FAM120C: variants seen among roughly 807,000 people sequenced by gnomAD.
FAM120C encodes family with sequence similarity 120 member C.
FAM120C carries 14 observed loss-of-function variants against 71.2 expected under a neutral mutation model. That is an observed-to-expected ratio of 0.20 (90% confidence interval 0.13 to 0.31). The LOEUF (loss-of-function observed/expected upper bound fraction) is 0.31. Among genes scored for constraint, FAM120C ranks in the 10% least tolerant of loss-of-function variants. The pLI is 1.00. For missense variants in FAM120C, 500 were observed against 879.0 expected, an observed-to-expected ratio of 0.57 and a Z score of 5.45; for synonymous variants, 354 against 353.2, an observed-to-expected ratio of 1.00 and a Z score of -0.03.
rs995528094 is a variant in FAM120C, at chrX:54,110,921, G to A, written c.2312+5624C>T. ...CTAAAAATACAAAAATTGGCCAGGC[G>A]TGGTGGTGGGCCCCTGTAATCCCAG... is the stretch of plus-strand genomic sequence containing the variant. On this transcript the variant is annotated intron_variant, in intron 10 of 15. Coordinates refer to ENST00000375180, the MANE Select transcript of FAM120C (RefSeq NM_017848.6). Among the ~76,000 whole-genome samples, 5 of 109,803 alleles carry A rather than the reference G, an allele frequency of 4.6e-5. No individual in the cohort carries two copies. The South Asian group carries it at 1.6e-3, about 35-fold the overall frequency.
At chrX:54,075,688 A>G (rs958258949) in intron 15 of FAM120C, among the ~76,000 whole-genome samples, 4 of 107,970 alleles carry the variant, frequency 3.7e-5, no homozygotes, top group Non-Finnish European at 7.7e-5. Context: ...AATCCCAGCT[A>G]CTCAGGAGGC....
At chrX:54,105,884 C>T (rs1391817045) in intron 10 of FAM120C, among the ~76,000 whole-genome samples, 2 of 111,513 alleles carry the variant, frequency 1.8e-5, no homozygotes, top group African/African-American at 6.5e-5. Context: ...GAGAACTACA[C>T]ATTACTGTTC....
rs1466158637 is a variant in FAM120C, at chrX:54,072,147, ACAAGCACACATT to A, written c.*874_*885del. On this transcript the variant is annotated 3_prime_UTR_variant, in exon 16 of 16. Coordinates refer to ENST00000375180, the MANE Select transcript of FAM120C (RefSeq NM_017848.6). The stretch of plus-strand genomic sequence containing the variant: ...ACACAACATCCACCCACACCCACAC[ACAAGCACACATT>A]CACACACACACACACACACACACAC... 1.2e-5 allele frequency: 1 copy of A among 82,710 alleles called. No homozygotes were observed. The highest frequency in any genetic ancestry group is 4.4e-5 in the African/African-American group (1 of 22,726). The allele number at this position is 82,710 out of a possible 1,213,427, so 6.8% of individuals were successfully genotyped here. A position where few individuals can be genotyped will look rare whatever the true frequency, so the allele number is the denominator to read the frequency against.
chrX:54,083,547 A>G (rs1463956077), intron 13 of FAM120C, among the ~76,000 whole-genome samples: 1 of 108,608 alleles, frequency 9.2e-6, no homozygotes, highest in Admixed American at 1.0e-4. Flanking sequence ...AGATGAGCGA[A>G]TCACTTGAGC....
At chrX:54,173,257 C>CT (rs2067298208) in intron 1 of FAM120C, among the ~76,000 whole-genome samples, 1 of 111,630 alleles carries the variant, frequency 9.0e-6, no homozygotes, top group East Asian at 2.8e-4. Flanking sequence ...AATGATATTT[C>CT]TTTTTTTTGA....
intron 1 of FAM120C, among the ~76,000 whole-genome samples, chrX:54,164,976 CATT>C (rs1557134940): frequency 4.5e-5 from 5 of 111,294 alleles, no homozygotes; most frequent in Non-Finnish European, 9.4e-5. Flanking sequence ...GGTAATATCT[CATT>C]GTGGTTTTGA....
At chrX:54,102,129 C>T (rs1027031854) in intron 10 of FAM120C, among the ~76,000 whole-genome samples, 3 of 109,331 alleles carry the variant, frequency 2.7e-5, no homozygotes, top group Non-Finnish European at 5.7e-5. Context: ...CCACCTCCTA[C>T]GCTAAAGTGA....
intron 10 of FAM120C, among the ~76,000 whole-genome samples, chrX:54,115,039 A>T (rs1267243020): frequency 8.9e-6 from 1 of 111,771 alleles, no homozygotes; most frequent in African/African-American, 3.2e-5. Context: ...GATTACAGGC[A>T]TGAGCCACCA....
Position 54,072,577 on chromosome X carries a change from AC to A in FAM120C, c.*455del, listed in dbSNP as rs2066715994. On this transcript the variant is annotated 3_prime_UTR_variant, in exon 16 of 16. Coordinates refer to ENST00000375180, the MANE Select transcript of FAM120C (RefSeq NM_017848.6). ...ACCACTTCATAGAGAAAAAAAAAAA[AC>A]AAAAAAAAACCTCAGGAGGCCACAG... 1 of 109,526 alleles carries A rather than the reference AC, an allele frequency of 9.1e-6. No homozygotes were observed. Among genetic ancestry groups the A allele is most frequent in the Non-Finnish European group, 1.9e-5 (1 of 53,336 alleles). The allele number at this position is 109,526 out of a possible 1,213,427, so 9.0% of individuals were successfully genotyped here.
In FAM120C at chrX:54,087,655, C is replaced by T. The variant is rs143267634; in HGVS notation, c.2637+100G>A. On this transcript the variant is annotated intron_variant, in intron 12 of 15. Transcript: ENST00000375180. ...AAAGTGAGACACATTCTCCTGCTTC[C>T]GCCCCATCCCTCTCCACTATCTCTG... is the stretch of plus-strand genomic sequence containing the variant. 2.5e-5 allele frequency: 20 copies of T among 797,206 alleles called. 1 individual carries two copies. In the Admixed American group the frequency reaches 2.8e-4, roughly 11 times the overall value. 65.7% of individuals were successfully genotyped at this position (797,206 alleles called of 1,213,427 possible). A position where few individuals can be genotyped will look rare whatever the true frequency, so the allele number is the denominator to read the frequency against.
intron 9 of FAM120C, among the ~76,000 whole-genome samples, chrX:54,126,771 C>G (rs1400030494): frequency 5.3e-5 from 6 of 113,245 alleles, no homozygotes; most frequent in Non-Finnish European, 7.5e-5. Flanking sequence ...ACAAGTCTTA[C>G]AACAATGGAA....
chrX:54,170,824 C>T lies in FAM120C; in HGVS notation c.700-11208G>A, dbSNP rs188678889. On this transcript the variant is annotated intron_variant, in intron 1 of 15. Coordinates refer to ENST00000375180, the MANE Select transcript of FAM120C (RefSeq NM_017848.6). The stretch of plus-strand genomic sequence containing the variant: ...TGGTATGTACTACTGCCTGAAGGTC[C>T]TCAGAAATAATTTGAGACAAGTAGA... Among the ~76,000 whole-genome samples, 524 of 111,966 alleles carry T rather than the reference C, an allele frequency of 4.7e-3. 1 individual carries two copies. Among genetic ancestry groups the T allele is most frequent in the Non-Finnish European group, 7.6e-3 (403 of 53,241 alleles).
intron 10 of FAM120C, among the ~76,000 whole-genome samples, chrX:54,104,579 G>T (rs1557124536): frequency 9.0e-6 from 1 of 111,268 alleles, no homozygotes; most frequent in Admixed American, 9.6e-5. Context: ...AGGCCGAGGC[G>T]GGCAGATCGC....
intron 3 of FAM120C, among the ~76,000 whole-genome samples, chrX:54,151,844 G>C (rs2067185343): frequency 9.0e-6 from 1 of 111,164 alleles, no homozygotes; most frequent in Admixed American, 9.7e-5. Flanking sequence ...GTAAGAAAAT[G>C]CCCAAGTATT....
intron 10 of FAM120C, among the ~76,000 whole-genome samples, chrX:54,091,733 G>C (rs2066825225): frequency 8.9e-6 from 1 of 111,788 alleles, no homozygotes; most frequent in Non-Finnish European, 1.9e-5. Flanking sequence ...CCTGAGAAAA[G>C]TCAGCAAGAG....
At chrX:54,081,547 G>A (rs781966347) in intron 13 of FAM120C, 87 bp from the exon 14 acceptor site, 38 of 1,017,791 alleles carry the variant, frequency 3.7e-5, no homozygotes, top group Admixed American at 9.2e-5. Context: ...TGAGTCGGGC[G>A]GATTACTTGA....
chrX:54,117,063 T>C (rs1232968998), intron 9 of FAM120C, among the ~76,000 whole-genome samples: 1 of 110,850 alleles, frequency 9.0e-6, no homozygotes, highest in East Asian at 2.8e-4. Context: ...ATTTTGCAGA[T>C]AAAGAAATCA....
chrX:54,116,764 G>A lies in FAM120C; in HGVS notation c.2093C>T (p.Ala698Val), dbSNP rs782733716. 4 of 1,211,251 alleles carry A rather than the reference G, an allele frequency of 3.3e-6. No homozygotes were observed. Among genetic ancestry groups the A allele is most frequent in the Non-Finnish European group, 1.1e-6 (1 of 895,254 alleles). Residue 698 changes from alanine to valine, a missense_variant, in exon 10 of 16, where the codon GCC (alanine) becomes GTC (valine). Ala to Val is a moderately conservative substitution (Grantham distance 64). Coordinates refer to ENST00000375180, the MANE Select transcript of FAM120C (RefSeq NM_017848.6). ...VPSVILKEWS[A>V]YKGKSPQTPE... The stretch of plus-strand genomic sequence containing the variant: ...GGTTTGAGGTGACTTCCCTTTATAG[G>A]CAGACCACTCTTTAAGGATCACTGA...
At chrX:54,126,323 T>C (rs975895970) in intron 9 of FAM120C, among the ~76,000 whole-genome samples, 7 of 112,469 alleles carry the variant, frequency 6.2e-5, no homozygotes, top group Non-Finnish European at 7.5e-5. Flanking sequence ...TTAAGTACAG[T>C]TGATCCTTGA....
Sources: gnomAD v4.1 joint callset for allele counts (sites outside exome capture counted in the v4.1 genomes callset) on GRCh38, gnomAD v4.1.1 for gene constraint, MANE v1.5 for transcripts, NCBI Gene and HGNC (gene_info 2026-07-23, HGNC 2026-07-21) for gene names.